Variants in EPG5 observed in about 807,000 individuals in gnomAD.
EPG5 encodes ectopic P granules protein 5 homolog.
Under a neutral mutation model 302.7 loss-of-function variants are expected in EPG5, and 159 were observed. That is an observed-to-expected ratio of 0.53 (90% CI 0.46 to 0.60). The LOEUF is 0.60. Among genes scored for constraint, EPG5 ranks in the 20% least tolerant of loss-of-function variants. The pLI, the probability that EPG5 is intolerant of heterozygous loss-of-function variation, is 0.00. For synonymous variants in EPG5, 1,158 were observed against 1,136.8 expected, an observed-to-expected ratio of 1.02 and a Z score of -0.37; for missense variants, 2,896 against 3,092.4, an observed-to-expected ratio of 0.94 and a Z score of 1.51.
intron 43 of EPG5, chr18:45,855,215 C>T (rs1035053934): frequency 5.7e-6 from 1 of 174,058 alleles, no homozygotes; most frequent in African/African-American, 2.4e-5. Flanking sequence ...TCCATCCCAA[C>T]TGTAGCCACA....
At chr18:45,872,541 C>T (rs2048893227) in intron 35 of EPG5, among the ~76,000 whole-genome samples, 1 of 152,058 alleles carries the variant, frequency 6.6e-6, no homozygotes, top group South Asian at 2.1e-4. Flanking sequence ...CTGTCTCTAC[C>T]AAAAATACAA....
At chr18:45,925,125 T>C (rs1315653293) in intron 14 of EPG5, among the ~76,000 whole-genome samples, 1 of 151,918 alleles carries the variant, frequency 6.6e-6, no homozygotes, top group Non-Finnish European at 1.5e-5. Flanking sequence ...GAAAAAGGAA[T>C]GAGAGGCAGA....
In EPG5 at chr18:45,912,395, C is replaced by T. The variant is rs781740724; in HGVS notation, c.3878G>A (p.Arg1293His). Residue 1293 changes from arginine to histidine, a missense_variant, in exon 22 of 44, where the codon CGC becomes CAC. By Grantham distance (29) the Arg-to-His change is conservative. Around this residue, in one of 5 missense-constraint regions of EPG5, gnomAD observed 64 missense variants for 101.8 expected, o/e 0.63. Coordinates refer to ENST00000282041, the MANE Select transcript of EPG5 (RefSeq NM_020964.3). ...TGTGACCAGAGCCTGGTGGGCCCAG[C>T]GATAAATCAGCAGCCTCTGGAGGGA... ...VPSLQRLLIY[R>H]WAHQALVTPS... 2.5e-6 allele frequency: 4 copies of T among 1,610,448 alleles called. No homozygotes were observed. Among genetic ancestry groups the T allele is most frequent in the Admixed American group, 3.4e-5 (2 of 58,972 alleles).
intron 13 of EPG5, among the ~76,000 whole-genome samples, chr18:45,928,331 T>C (rs1372330107): frequency 6.6e-6 from 1 of 152,194 alleles, no homozygotes; most frequent in Admixed American, 6.5e-5. Flanking sequence ...CACTGACGTA[T>C]ATACTTTAAA....
At chr18:45,952,258 A>T (rs1176692178) in intron 3 of EPG5, 142 bp downstream of exon 3, 5 of 935,476 alleles carry the variant, frequency 5.3e-6, no homozygotes, top group Non-Finnish European at 8.0e-6. Flanking sequence ...TCTCAATCCT[A>T]CAGTGGGGGA....
chr18:45,967,193 CTGGCCT>C lies in EPG5; in HGVS notation c.41_46del (p.Lys14_Ala15del), dbSNP rs769267797. On this transcript the variant is annotated inframe_deletion, in exon 1 of 44. Coordinates refer to ENST00000282041, the MANE Select transcript of EPG5 (RefSeq NM_020964.3). Reference sequence around the variant, plus strand: ...GATCCTCACCTTTGTTTTAGTCCGGCTGGCCTTGGCCTTGGCCCGGCGCTGGGGCTT... The same window carrying C: ...GATCCTCACCTTTGTTTTAGTCCGGCTGGCCTTGGCCCGGCGCTGGGGCTT... 3 of 1,604,684 alleles carry C rather than the reference CTGGCCT, an allele frequency of 1.9e-6. No homozygotes were observed. Among genetic ancestry groups the C allele is most frequent in the African/African-American group, 2.7e-5 (2 of 74,692 alleles).
intron 25 of EPG5, among the ~76,000 whole-genome samples, 159 bp downstream of exon 25, chr18:45,903,814 G>C (rs1327291736): frequency 1.3e-5 from 2 of 152,210 alleles, no homozygotes; most frequent in African/African-American, 4.8e-5. Flanking sequence ...ATTTACAGTT[G>C]CAATTTACAC....
intron 25 of EPG5, among the ~76,000 whole-genome samples, chr18:45,902,826 T>C (rs1378322864): frequency 6.6e-6 from 1 of 152,212 alleles, no homozygotes; most frequent in Non-Finnish European, 1.5e-5. Flanking sequence ...CTCTGCCCAA[T>C]AACCAGCTAT....
intron 13 of EPG5, among the ~76,000 whole-genome samples, chr18:45,928,309 T>G (rs2050323279): frequency 6.6e-6 from 1 of 152,166 alleles, no homozygotes; most frequent in African/African-American, 2.4e-5. Flanking sequence ...TATCTGTGAA[T>G]AGACTAAAAA....
intron 7 of EPG5, among the ~76,000 whole-genome samples, chr18:45,945,840 C>T (rs1046229408): frequency 1.3e-5 from 2 of 152,130 alleles, no homozygotes; most frequent in African/African-American, 2.4e-5. Flanking sequence ...AAGAGAAAAA[C>T]GACTGTGAAG....
At chr18:45,876,110 C>A in intron 35 of EPG5, 126 bp downstream of exon 35, 1 of 644,636 alleles carries the variant, frequency 1.6e-6, no homozygotes, top group South Asian at 1.9e-5. Flanking sequence ...ATTGTATCAG[C>A]GACTTTTCTT....
chr18:45,926,314 G>T (rs975771372), intron 13 of EPG5, among the ~76,000 whole-genome samples: 1 of 152,114 alleles, frequency 6.6e-6, no homozygotes, highest in Non-Finnish European at 1.5e-5. Flanking sequence ...CATCCAGGCC[G>T]GGGGTGGGGT....
At chr18:45,928,843 AAAAC>A (rs1568163566) in intron 13 of EPG5, 22 bp downstream of exon 13, 11 of 1,593,244 alleles carry the variant, frequency 6.9e-6, no homozygotes, top group African/African-American at 1.4e-5. Context: ...TGAAAAAACA[AAAAC>A]AAACAAAATC....
chr18:45,897,908 A>G (rs2049516199), intron 27 of EPG5, among the ~76,000 whole-genome samples: 2 of 152,234 alleles, frequency 1.3e-5, no homozygotes, highest in South Asian at 4.1e-4. Context: ...AACAAGAGGG[A>G]GTAAAATAAA....
At chr18:45,876,662 C>T (rs918105637) in intron 34 of EPG5, among the ~76,000 whole-genome samples, 1 of 151,804 alleles carries the variant, frequency 6.6e-6, no homozygotes, top group African/African-American at 2.4e-5. Context: ...ATTTCAAATG[C>T]CGTAGAAAAA....
At chr18:45,801,260 T>G in the EPG5 span, among the ~76,000 whole-genome samples, 1 of 152,318 alleles carries the variant, frequency 6.6e-6, no homozygotes, top group Non-Finnish European at 1.5e-5. Context: ...GTTCTTGAAC[T>G]CCTGACCTCA....
At chr18:45,963,571 G>T (rs2051192014) in intron 1 of EPG5, among the ~76,000 whole-genome samples, 1 of 152,140 alleles carries the variant, frequency 6.6e-6, no homozygotes, top group Non-Finnish European at 1.5e-5. Context: ...AGAGACAGAG[G>T]TTGCAGTGAG....
At chr18:45,959,835 C>G (rs1045746883) in intron 1 of EPG5, among the ~76,000 whole-genome samples, 2 of 151,782 alleles carry the variant, frequency 1.3e-5, no homozygotes, top group South Asian at 4.2e-4. Flanking sequence ...AAAAATTAGC[C>G]GGGCATGGTG....
the EPG5 span, chr18:45,840,302 G>C: frequency 6.4e-7 from 1 of 1,552,320 alleles, no homozygotes; most frequent in Non-Finnish European, 8.8e-7. Context: ...CATCACCCAG[G>C]GGGTCCAGGC....
Sources: allele counts gnomAD v4.1 joint callset (sites outside exome capture counted in the v4.1 genomes callset), GRCh38; gene constraint gnomAD v4.1.1; regional missense constraint gnomAD v4.1.1; transcripts MANE v1.5; gene names NCBI Gene and HGNC (gene_info 2026-07-23, HGNC 2026-07-21).